ALPP: variants seen among roughly 807,000 people sequenced by gnomAD.
ALPP encodes alkaline phosphatase, placental, also known as alkaline phosphatase, placental type.
A neutral mutation model predicts 50.7 loss-of-function variants in ALPP; 39 were observed. That is an observed-to-expected ratio of 0.77 (90% CI 0.60 to 1.00). ALPP has a LOEUF of 1.00. Ranked by LOEUF, ALPP falls within the 50% of genes least tolerant of loss-of-function variation. ALPP has a pLI of 0.00. For synonymous variants in ALPP, 226 were observed against 320.3 expected, an observed-to-expected ratio of 0.71 and a Z score of 3.14; for missense variants, 550 against 746.8, an observed-to-expected ratio of 0.74 and a Z score of 3.07.
Position 232,380,402 on chromosome 2 carries a change from C to A in ALPP, c.793-18C>A. 6.2e-7 allele frequency: 1 copy of A among 1,613,460 alleles called. No homozygotes were observed. On this transcript the variant is annotated intron_variant, in intron 6 of 10. Transcript: ENST00000392027. ...CTCAGGGCTGTGGGCTGAGGCCTGG[C>A]TCTCTCCCTCCCCACAGGGTGCCCG...
In ALPP at chr2:232,380,119, G is replaced by C. The variant is rs1030258968; in HGVS notation, c.658-67G>C. 1.2e-5 allele frequency: 20 copies of C among 1,611,162 alleles called. No homozygotes were observed. In the African/African-American group the frequency reaches 2.5e-4, roughly 20 times the overall value. On this transcript the variant is annotated intron_variant, in intron 5 of 10. Coordinates refer to ENST00000392027, the MANE Select transcript of ALPP (RefSeq NM_001632.5). ...GCCTTGGGGAGGGGAGTCAGGGGCT[G>C]TGCATGAGGAGGGGGCACGGGGCCA...
At position 232,378,818 on chromosome 2, in the gene ALPP, A is replaced by ATGCTGC. The variant is rs377162921; in HGVS notation, c.34_39dup (p.Leu12_Leu13dup). The ATGCTGC allele has an allele frequency of 2.7e-5, 44 of 1,609,870 alleles. No individual in the cohort carries two copies. In the East Asian group the frequency reaches 6.7e-4, roughly 25 times the overall value. ...CCCTCCAGACATGCTGGGGCCCTGC[A>ATGCTGC]TGCTGCTGCTGCTGCTGCTGCTGGG... On this transcript the variant is annotated inframe_insertion, in exon 1 of 11. Coordinates refer to ENST00000392027, the MANE Select transcript of ALPP (RefSeq NM_001632.5).
At position 232,381,564 on chromosome 2, in the gene ALPP, G is replaced by T; in HGVS notation, c.1377G>T (p.Val459=). 6.2e-7 allele frequency: 1 copy of T among 1,612,926 alleles called. No homozygotes were observed. Among genetic ancestry groups the T allele is most frequent in the South Asian group, 1.1e-5 (1 of 90,908 alleles). ...AAGAGACCCACGCAGGCGAGGACGT[G>T]GCGGTGTTCGCGCGCGGCCCGCAGG... ...LDEETHAGED[V]AVFARGPQAH... Residue 459 remains valine (V), a synonymous_variant, in exon 11 of 11, where the codon GTG becomes GTT. Coordinates refer to ENST00000392027, the MANE Select transcript of ALPP (RefSeq NM_001632.5).
Position 232,381,869 on chromosome 2 carries a change from G to T in ALPP, c.*74G>T. ...TCCCCACCTCCTGTCGTCCTGCCTG[G>T]CCTCCAGCCCGAGTCGTCATCCCCG... On this transcript the variant is annotated 3_prime_UTR_variant, in exon 11 of 11. Transcript: ENST00000392027. 1 of 1,495,698 alleles carries T rather than the reference G, an allele frequency of 6.7e-7. No individual in the cohort carries two copies. Among genetic ancestry groups the T allele is most frequent in the Non-Finnish European group, 8.9e-7 (1 of 1,128,584 alleles). The allele number at this position is 1,495,698 out of a possible 1,614,324, so 92.7% of individuals were successfully genotyped here.
chr2:232,380,011 C>T, intron 5 of ALPP, 75 bp downstream of exon 5: 2 of 1,562,376 alleles, frequency 1.3e-6, no homozygotes, highest in Non-Finnish European at 1.7e-6. Flanking sequence ...ACCCAGGCAA[C>T]CAAAAGCCTT....
intron 5 of ALPP, 96 bp downstream of exon 5, chr2:232,380,032 G>T (rs1366314949): frequency 2.6e-6 from 4 of 1,561,836 alleles, no homozygotes; most frequent in Non-Finnish European, 3.5e-6. Context: ...ATCTGGGCCA[G>T]CAGGGTCTGG....
chr2:232,381,720 G>A lies in ALPP; in HGVS notation c.1533G>A (p.Gly511=), dbSNP rs1249435282. ...PAGTTDAAHP[G]RSVVPALLPL... ...GCACCACCGACGCCGCGCACCCGGG[G>A]CGGTCCGTGGTCCCCGCGTTGCTTC... The change falls in exon 11 of 11, where the codon GGG becomes GGA. Residue 511 remains glycine, a synonymous_variant. Coordinates refer to ENST00000392027, the MANE Select transcript of ALPP (RefSeq NM_001632.5). The A allele has an allele frequency of 4.4e-6, 7 of 1,602,464 alleles. No individual in the cohort carries two copies. In the South Asian group the frequency reaches 6.7e-5, roughly 15 times the overall value.
intron 5 of ALPP, 71 bp from the exon 6 acceptor site, chr2:232,380,115 G>A: frequency 6.2e-7 from 1 of 1,609,862 alleles, no homozygotes; most frequent in Non-Finnish European, 8.5e-7. Context: ...GGGAGTCAGG[G>A]GCTGTGCATG....
In ALPP at chr2:232,379,826, G is replaced by T. The variant is rs763584788; in HGVS notation, c.547G>T (p.Ala183Ser). The T allele has an allele frequency of 1.2e-6, 2 of 1,613,848 alleles. No individual in the cohort carries two copies. Among genetic ancestry groups the T allele is most frequent in the Non-Finnish European group, 1.7e-6 (2 of 1,180,038 alleles). Residue 183 changes from alanine (A) to serine (S), a missense_variant, in exon 5 of 11, where the codon GCC becomes TCC. Coordinates refer to ENST00000392027, the MANE Select transcript of ALPP (RefSeq NM_001632.5). ...GCACGCCTCGCCAGCCGGCACCTACGCCCACACGGTGAACCGCAACTGGTA... is the reference window on the plus strand; with the variant it reads ...GCACGCCTCGCCAGCCGGCACCTACTCCCACACGGTGAACCGCAACTGGTA... ...VQHASPAGTY[A>S]HTVNRNWYSD...
chr2:232,379,813 A>C lies in ALPP; in HGVS notation c.534A>C (p.Pro178=). The change falls in exon 5 of 11, where the codon CCA becomes CCC. Residue 178 remains proline (P), a synonymous_variant. Transcript: ENST00000392027. ...CCACACGAGTGCAGCACGCCTCGCCAGCCGGCACCTACGCCCACACGGTGA... is the reference window on the plus strand; with the variant it reads ...CCACACGAGTGCAGCACGCCTCGCCCGCCGGCACCTACGCCCACACGGTGA... The part of the protein sequence containing the change: ...VTTTRVQHAS[P]AGTYAHTVNR... 6.2e-7 allele frequency: 1 copy of C among 1,613,872 alleles called. No individual in the cohort carries two copies. The highest frequency in any genetic ancestry group is 8.5e-7 in the Non-Finnish European group (1 of 1,180,040).
intron 3 of ALPP, 80 bp downstream of exon 3, chr2:232,379,395 C>T: frequency 6.3e-7 from 1 of 1,590,626 alleles, no homozygotes; most frequent in Non-Finnish European, 8.6e-7. Context: ...GGGAGGGACC[C>T]TAAACAGCTG....
chr2:232,381,385 GC>G lies in ALPP; in HGVS notation c.1309+23del, dbSNP rs34808883. On this transcript the variant is annotated intron_variant, in intron 10 of 10. Transcript: ENST00000392027. ...CGAGAGCGGTGAGTGCCGCGGGGTG[GC>G]CCCCTGAGGGGGACCAGGGTGCCAA... 1 of 1,602,916 alleles carries G rather than the reference GC, an allele frequency of 6.2e-7. No individual in the cohort carries two copies. The highest frequency in any genetic ancestry group is 8.5e-7 in the Non-Finnish European group (1 of 1,170,982).
intron 7 of ALPP, 55 bp downstream of exon 7, chr2:232,380,547 C>G (rs1696688176): frequency 4.3e-6 from 7 of 1,614,024 alleles, no homozygotes; most frequent in Non-Finnish European, 5.9e-6. Context: ...ATGGCACCTT[C>G]TGAGCCTGTG....
At position 232,382,600 on chromosome 2, in the gene ALPP, G is replaced by C. The variant is rs1169854795; in HGVS notation, c.*805G>C. The C allele has an allele frequency of 6.6e-6, 1 of 152,320 alleles. No homozygotes were observed. Among genetic ancestry groups the C allele is most frequent in the Non-Finnish European group, 1.5e-5 (1 of 68,184 alleles). The allele number at this position is 152,320 out of a possible 1,614,324, so 9.4% of individuals were successfully genotyped here. A position where few individuals can be genotyped will look rare whatever the true frequency, so the allele number is the denominator to read the frequency against. On this transcript the variant is annotated 3_prime_UTR_variant, in exon 11 of 11. Transcript: ENST00000392027. ...GGAGACAAAGCAATAATAAAAGGAA[G>C]TGTTTGTAATCCCAGCACTTTGGGA...
In ALPP at chr2:232,378,962, C is replaced by T. The variant is rs190656068; in HGVS notation, c.77-9C>T. ...AGGCTGACCTGATTTTTGCTCTCCC[C>T]CTGGCCAGTTGAGGAGGAGAACCCG... On this transcript the variant is annotated splice_polypyrimidine_tract_variant and intron_variant, in intron 1 of 10. Coordinates refer to ENST00000392027, the MANE Select transcript of ALPP (RefSeq NM_001632.5). 1.7e-3 allele frequency: 2,740 copies of T among 1,614,116 alleles called. 4 individuals carry two copies. The highest frequency in any genetic ancestry group is 2.1e-3 in the Non-Finnish European group (2,441 of 1,180,026).
rs377162921 is a variant in ALPP, at chr2:232,378,818, ATGCTGC to A, written c.34_39del (p.Leu12_Leu13del). The A allele has an allele frequency of 1.1e-5, 17 of 1,609,690 alleles. No individual in the cohort carries two copies. The highest frequency in any genetic ancestry group is 8.9e-5 in the East Asian group (4 of 44,724). ...CCCTCCAGACATGCTGGGGCCCTGC[ATGCTGC>A]TGCTGCTGCTGCTGCTGGGCCTGAG... On this transcript the variant is annotated inframe_deletion, in exon 1 of 11. Coordinates refer to ENST00000392027, the MANE Select transcript of ALPP (RefSeq NM_001632.5).
Position 232,381,689 on chromosome 2 carries a change from C to A in ALPP, c.1502C>A (p.Pro501His), listed in dbSNP as rs2981374. Reference sequence around the variant, plus strand: ...TACACCGCCTGCGACCTGGCGCCCCCCGCCGGCACCACCGACGCCGCGCAC... The same window carrying A: ...TACACCGCCTGCGACCTGGCGCCCCACGCCGGCACCACCGACGCCGCGCAC... ...EPYTACDLAP[P>H]AGTTDAAHPG... The change falls in exon 11 of 11, where the codon CCC (proline) becomes CAC (histidine). Residue 501 changes from proline (P) to histidine (H), a missense_variant. Transcript: ENST00000392027. 4.4e-6 allele frequency: 7 copies of A among 1,605,092 alleles called. No individual in the cohort carries two copies. The highest frequency in any genetic ancestry group is 5.9e-6 in the Non-Finnish European group (7 of 1,176,710).
At position 232,381,048 on chromosome 2, in the gene ALPP, T is replaced by G. The variant is rs1481495849; in HGVS notation, c.1192+17T>G. 1 of 1,204,116 alleles carries G rather than the reference T, an allele frequency of 8.3e-7. No homozygotes were observed. Among genetic ancestry groups the G allele is most frequent in the Non-Finnish European group, 1.1e-6 (1 of 874,598 alleles). 74.6% of individuals were successfully genotyped at this position (1,204,116 alleles called of 1,614,324 possible). On this transcript the variant is annotated intron_variant, in intron 9 of 10. Transcript: ENST00000392027. ...CCATCTTCGGTAGGCCTGGGGAGAG[T>G]GGCAGGTGCTGCTGCAGCAATTAAG...
chr2:232,381,925 C>A lies in ALPP; in HGVS notation c.*130C>A. ...CCTATACAGAGGTCCTGCCATGGAA[C>A]CTTCCCCTCCCCGTGCGCTCTGGGG... On this transcript the variant is annotated 3_prime_UTR_variant, in exon 11 of 11. Coordinates refer to ENST00000392027, the MANE Select transcript of ALPP (RefSeq NM_001632.5). 7.3e-7 allele frequency: 1 copy of A among 1,374,180 alleles called. No individual in the cohort carries two copies. Among genetic ancestry groups the A allele is most frequent in the Non-Finnish European group, 9.6e-7 (1 of 1,037,620 alleles). The allele number at this position is 1,374,180 out of a possible 1,614,324, so 85.1% of individuals were successfully genotyped here.
Sources: gnomAD v4.1 joint callset for allele counts on GRCh38, gnomAD v4.1.1 for gene constraint, MANE v1.5 for transcripts, NCBI Gene and HGNC (gene_info 2026-07-23, HGNC 2026-07-21) for gene names.